The following ASNS variants were observed in gnomAD, a reference collection of about 807,000 sequenced individuals.
ASNS encodes asparagine synthetase [glutamine-hydrolyzing].
In ASNS, 37 loss-of-function variants were observed where a neutral mutation model predicts 62.6. The ratio of observed to expected loss-of-function variants is 0.59; its 90% CI spans 0.45 to 0.78. The LOEUF is 0.78. Among genes scored for constraint, ASNS ranks in the 30% least tolerant of loss-of-function variants. The pLI is 0.00. For missense variants in ASNS, 520 were observed against 682.4 expected, an observed-to-expected ratio of 0.76 and a Z score of 2.65; for synonymous variants, 207 against 237.9, an observed-to-expected ratio of 0.87 and a Z score of 1.19.
chr7:97,895,142 G>A, the ASNS span, among the ~76,000 whole-genome samples: 19 of 152,262 alleles, frequency 1.2e-4, no homozygotes, highest in African/African-American at 3.4e-4. Context: ...CTCAGCAGAT[G>A]CAGAAAAATC....
At chr7:97,906,629 T>C in the ASNS span, 2 of 162,436 alleles carry the variant, frequency 1.2e-5, no homozygotes, top group Middle Eastern at 6.4e-3. Context: ...TGCTTTTCCT[T>C]GGGTCATCCT....
chr7:97,883,917 G>A, the ASNS span, among the ~76,000 whole-genome samples: 2 of 151,010 alleles, frequency 1.3e-5, no homozygotes, highest in Non-Finnish European at 2.9e-5. Flanking sequence ...GAACGCGGGA[G>A]GTGGAGCTTG....
Position 97,859,379 on chromosome 7 carries a change from G to T in ASNS, c.507C>A (p.His169Gln). 1 of 1,610,032 alleles carries T rather than the reference G, an allele frequency of 6.2e-7. No individual in the cohort carries two copies. Among genetic ancestry groups the T allele is most frequent in the Non-Finnish European group, 8.5e-7 (1 of 1,177,762 alleles). ...SEAKGLVTLK[H>Q]SATPFLKVEP... is the part of the protein sequence containing the mutation. The stretch of plus-strand genomic sequence containing the variant: ...CCACTTTTAAAAAGGGAGTCGCGGA[G>T]TGCTTCAATGTAACAAGACCTAGAA... The change falls in exon 5 of 13, where the codon CAC becomes CAA. Residue 169 changes from histidine to glutamine, a missense_variant. His to Gln is a conservative substitution (Grantham distance 24). Transcript: ENST00000394308.
intron 4 of ASNS, among the ~76,000 whole-genome samples, 195 bp from the exon 5 acceptor site, chr7:97,859,593 A>C (rs1166689707): frequency 6.6e-6 from 1 of 152,228 alleles, no homozygotes; most frequent in Non-Finnish European, 1.5e-5. Flanking sequence ...CAATAATGGC[A>C]CAGGGATATA....
At chr7:97,874,104 A>C (rs1475470108), upstream of ASNS, among the ~76,000 whole-genome samples, 3 of 152,124 alleles carry the variant, frequency 2.0e-5, no homozygotes, top group African/African-American at 7.2e-5. Context: ...TGCAGTCTCG[A>C]CCATAAGAGA....
At chr7:97,881,954 G>A in the ASNS span, among the ~76,000 whole-genome samples, 43 of 151,966 alleles carry the variant, frequency 2.8e-4, no homozygotes, top group African/African-American at 9.4e-4. Flanking sequence ...AGGTTCAACC[G>A]ATAACACCTG....
intron 8 of ASNS, 100 bp from the exon 9 acceptor site, chr7:97,855,559 T>A (rs1177292719): frequency 2.8e-6 from 2 of 724,132 alleles, no homozygotes; most frequent in African/African-American, 3.5e-5. Flanking sequence ...TTTACTACTA[T>A]ACTGGACTTC....
rs2115593984 is a variant in ASNS, at chr7:97,853,330, AGAGACAAGTAATAG to A, written c.1281_1294del (p.Tyr428AlafsTer21). The A allele has an allele frequency of 3.7e-6, 6 of 1,613,766 alleles. No individual in the cohort carries two copies. The highest frequency in any genetic ancestry group is 4.2e-6 in the Non-Finnish European group (5 of 1,179,934). On this transcript the variant is annotated frameshift_variant, in exon 11 of 13. Coordinates refer to ENST00000394308, the MANE Select transcript of ASNS (RefSeq NM_001673.5). LOFTEE classifies it high-confidence loss of function. ...CTTTGGAATTCTCATTTCTGGTGGC[AGAGACAAGTAATAG>A]GAAGAAAATCGATGATCTAGAAATG...
At chr7:97,868,278 A>G (rs542590338) in intron 3 of ASNS, among the ~76,000 whole-genome samples, 5 of 152,340 alleles carry the variant, frequency 3.3e-5, no homozygotes, top group African/African-American at 1.2e-4. Context: ...ACTGCACTCC[A>G]GCCTGGGTGA....
upstream of ASNS, among the ~76,000 whole-genome samples, chr7:97,872,772 G>A (rs778376014): frequency 6.6e-6 from 1 of 152,252 alleles, no homozygotes; most frequent in Non-Finnish European, 1.5e-5. Context: ...CTAAGAAACT[G>A]ATGCGTGAGG....
chr7:97,855,475 G>C lies in ASNS; in HGVS notation c.1031-16C>G. On this transcript the variant is annotated splice_polypyrimidine_tract_variant and intron_variant, in intron 8 of 12. Coordinates refer to ENST00000394308, the MANE Select transcript of ASNS (RefSeq NM_001673.5). Reference sequence around the variant, plus strand: ...AAATACATACCTTAAATGAGAGAGAGAAATTAACTTTAATGTCAACATAAC... The same window carrying C: ...AAATACATACCTTAAATGAGAGAGACAAATTAACTTTAATGTCAACATAAC... The C allele has an allele frequency of 6.4e-7, 1 of 1,572,038 alleles. No individual in the cohort carries two copies. Among genetic ancestry groups the C allele is most frequent in the Non-Finnish European group, 8.7e-7 (1 of 1,147,864 alleles).
chr7:97,913,437 G>A, the ASNS span, among the ~76,000 whole-genome samples: 1 of 152,192 alleles, frequency 6.6e-6, no homozygotes, highest in Non-Finnish European at 1.5e-5. Context: ...GCACTTGTAT[G>A]TCACTATTGG....
the ASNS span, among the ~76,000 whole-genome samples, chr7:97,900,639 G>A: frequency 6.6e-6 from 1 of 152,138 alleles, no homozygotes; most frequent in African/African-American, 2.4e-5. Flanking sequence ...CTGCCATGAG[G>A]GCACATTGAT....
chr7:97,896,733 C>CAAATATATATATATATATATAT, the ASNS span, among the ~76,000 whole-genome samples: 1 of 26,262 alleles, frequency 3.8e-5, no homozygotes, highest in African/African-American at 9.0e-5. Context: ...CACACACACA[C>CAAATATATATATATATATATAT]ACACACACAT....
intron 12 of ASNS, among the ~76,000 whole-genome samples, 188 bp from the exon 13 acceptor site, chr7:97,852,656 C>T (rs369636184): frequency 2.0e-5 from 3 of 152,126 alleles, no homozygotes; most frequent in South Asian, 2.1e-4. Flanking sequence ...TTTTAAAGAA[C>T]ACTCATATGC....
chr7:97,881,376 AC>A, the ASNS span, among the ~76,000 whole-genome samples: 1 of 148,862 alleles, frequency 6.7e-6, no homozygotes, highest in Non-Finnish European at 1.5e-5. Flanking sequence ...TTTCATTAAC[AC>A]CCCCCGCCCC....
At chr7:97,922,782 CTATTT>C in the ASNS span, among the ~76,000 whole-genome samples, 1 of 152,078 alleles carries the variant, frequency 6.6e-6, no homozygotes, top group East Asian at 1.9e-4. Context: ...ATTCAGAATT[CTATTT>C]TATTTATTTA....
the ASNS span, among the ~76,000 whole-genome samples, chr7:97,904,687 G>A: frequency 6.6e-6 from 1 of 150,658 alleles, no homozygotes; most frequent in Non-Finnish European, 1.5e-5. Context: ...AGGAGAATTG[G>A]ATACATTACA....
At chr7:97,895,036 A>T in the ASNS span, among the ~76,000 whole-genome samples, 1 of 152,248 alleles carries the variant, frequency 6.6e-6, no homozygotes, top group South Asian at 2.1e-4. Context: ...ATCAAGTGGG[A>T]TTTATCCCAG....
Sources: gnomAD v4.1 joint callset for allele counts (sites outside exome capture counted in the v4.1 genomes callset) on GRCh38, gnomAD v4.1.1 for gene constraint, MANE v1.5 for transcripts, NCBI Gene and HGNC (gene_info 2026-07-23, HGNC 2026-07-21) for gene names.